The following PNLIPRP3 variants were observed in gnomAD, a reference collection of about 807,000 sequenced individuals.
PNLIPRP3 encodes pancreatic lipase related protein 3.
In PNLIPRP3, 58 loss-of-function variants were observed where a neutral mutation model predicts 52.8. That is an observed-to-expected ratio of 1.10 (90% confidence interval 0.89 to 1.37). The LOEUF is 1.37. Among genes scored for constraint, PNLIPRP3 ranks in the 40% most tolerant of loss-of-function variants. The pLI is 0.00. For missense variants in PNLIPRP3, 593 were observed against 561.6 expected (o/e 1.06, Z -0.57); for synonymous variants, 192 against 185.0 (o/e 1.04, Z -0.31).
In PNLIPRP3 at chr10:116,477,321, T is replaced by C; in HGVS notation, c.*168T>C. 2.1e-6 allele frequency: 1 copy of C among 484,902 alleles called. No homozygotes were observed. Among genetic ancestry groups the C allele is most frequent in the East Asian group, 3.6e-5 (1 of 28,086 alleles). 30.0% of individuals were successfully genotyped at this position (484,902 alleles called of 1,614,324 possible). A position where few individuals can be genotyped will look rare whatever the true frequency, so the allele number is the denominator to read the frequency against. On this transcript the variant is annotated 3_prime_UTR_variant, in exon 12 of 12. Transcript: ENST00000369230. ...GCTTTTTTTCTGTGTAGAATGTTCA[T>C]CTAACTGCACCTTAAAAACACACTG... is the stretch of plus-strand genomic sequence containing the variant.
intron 1 of PNLIPRP3, among the ~76,000 whole-genome samples, chr10:116,429,050 A>C (rs1234021980): frequency 6.6e-6 from 1 of 152,138 alleles, no homozygotes; most frequent in Admixed American, 6.6e-5. Flanking sequence ...GTGCCAATTA[A>C]ATAAGATGCA....
chr10:116,464,978 T>C (rs1202417553), intron 7 of PNLIPRP3, among the ~76,000 whole-genome samples: 1 of 152,196 alleles, frequency 6.6e-6, no homozygotes, highest in South Asian at 2.1e-4. Flanking sequence ...TTGGTGGGTC[T>C]CAGGTTCTTG....
chr10:116,440,398 C>T (rs1156821926), intron 2 of PNLIPRP3, among the ~76,000 whole-genome samples: 2 of 152,146 alleles, frequency 1.3e-5, no homozygotes, highest in Admixed American at 1.3e-4. Context: ...CCACTTCCCT[C>T]CATTTGGAAA....
chr10:116,458,555 A>C (rs554153889), intron 5 of PNLIPRP3, among the ~76,000 whole-genome samples: 1 of 152,144 alleles, frequency 6.6e-6, no homozygotes, highest in Non-Finnish European at 1.5e-5. Context: ...TTTATTAGAA[A>C]GTTGTGTGTA....
chr10:116,474,638 AG>A (rs1846430534), intron 10 of PNLIPRP3, among the ~76,000 whole-genome samples: 1 of 152,222 alleles, frequency 6.6e-6, no homozygotes, highest in African/African-American at 2.4e-5. Flanking sequence ...AAGCGGGCAA[AG>A]GACATCAACA....
chr10:116,477,946 A>G lies in PNLIPRP3; in HGVS notation c.*793A>G, dbSNP rs1846502716. ...CCTTTGTTCTTGCAATAACAATATT[A>G]TAATATTTAAATGTGTCCATTGTGT... is the stretch of plus-strand genomic sequence containing the variant. On this transcript the variant is annotated 3_prime_UTR_variant, in exon 12 of 12. Coordinates refer to ENST00000369230, the MANE Select transcript of PNLIPRP3 (RefSeq NM_001011709.3). 6.6e-6 allele frequency: 1 copy of G among 152,206 alleles called. No homozygotes were observed. The highest frequency in any genetic ancestry group is 1.5e-5 in the Non-Finnish European group (1 of 68,038). The allele number at this position is 152,206 out of a possible 1,614,324, so 9.4% of individuals were successfully genotyped here. A position where few individuals can be genotyped will look rare whatever the true frequency, so the allele number is the denominator to read the frequency against.
At chr10:116,455,069 C>T (rs185313862) in intron 4 of PNLIPRP3, among the ~76,000 whole-genome samples, 4 of 152,304 alleles carry the variant, frequency 2.6e-5, no homozygotes, top group Admixed American at 2.6e-4. Context: ...AAGAGACATT[C>T]TAACAGATGT....
At chr10:116,429,085 T>C (rs1425193583) in intron 1 of PNLIPRP3, among the ~76,000 whole-genome samples, 4 of 152,074 alleles carry the variant, frequency 2.6e-5, no homozygotes, top group African/African-American at 9.7e-5. Flanking sequence ...AATCCAAAAA[T>C]CTAAAATCTA....
intron 4 of PNLIPRP3, among the ~76,000 whole-genome samples, chr10:116,447,672 A>AT (rs1845972322): frequency 6.6e-6 from 1 of 152,240 alleles, no homozygotes; most frequent in Non-Finnish European, 1.5e-5. Context: ...GTGGTGGCCC[A>AT]TGCCTGCAAT....
At chr10:116,431,142 C>T (rs1349640741) in intron 1 of PNLIPRP3, among the ~76,000 whole-genome samples, 2 of 152,176 alleles carry the variant, frequency 1.3e-5, no homozygotes, top group African/African-American at 4.8e-5. Flanking sequence ...CCATGCAGAA[C>T]CTGACCACTT....
intron 1 of PNLIPRP3, among the ~76,000 whole-genome samples, chr10:116,430,998 T>A (rs1277725095): frequency 1.3e-5 from 2 of 152,226 alleles, no homozygotes; most frequent in East Asian, 3.8e-4. Context: ...CCAAATCTGT[T>A]CGTCTCAAAG....
chr10:116,461,215 G>A lies in PNLIPRP3; in HGVS notation c.733G>A (p.Gly245Arg), dbSNP rs377433450. The A allele has an allele frequency of 1.2e-6, 2 of 1,614,060 alleles. No homozygotes were observed. Among genetic ancestry groups the A allele is most frequent in the Non-Finnish European group, 1.7e-6 (2 of 1,179,942 alleles). Residue 245 changes from glycine to arginine, a missense_variant, in exon 7 of 12, where the codon GGA (glycine) becomes AGA (arginine). Physicochemically the swap from Gly to Arg is moderately radical, Grantham distance 125. Transcript: ENST00000369230. ...TGGTCATCTTGACTTTTACCCAAAT[G>A]GAGGGAAGCACATGCCAGGATGTGA... ...ACGHLDFYPN[G>R]GKHMPGCEDL...
intron 5 of PNLIPRP3, among the ~76,000 whole-genome samples, chr10:116,456,558 A>T (rs796074320): frequency 1.3e-5 from 2 of 152,182 alleles, no homozygotes; most frequent in South Asian, 4.2e-4. Context: ...ACTGCAGCTT[A>T]CTCAGTTGTT....
intron 2 of PNLIPRP3, among the ~76,000 whole-genome samples, chr10:116,440,477 T>C (rs1400034799): frequency 6.6e-6 from 1 of 152,212 alleles, no homozygotes; most frequent in African/African-American, 2.4e-5. Flanking sequence ...TGTTTGCTGT[T>C]AAAGTGTTTT....
intron 9 of PNLIPRP3, 85 bp downstream of exon 9, chr10:116,469,402 A>G (rs1846331525): frequency 7.5e-6 from 10 of 1,335,404 alleles, no homozygotes; most frequent in Non-Finnish European, 1.0e-5. Context: ...TGTCTACTAA[A>G]TAACTGGGCA....
intron 7 of PNLIPRP3, 42 bp from the exon 8 acceptor site, chr10:116,466,008 A>G (rs1365988203): frequency 7.3e-7 from 1 of 1,363,542 alleles, no homozygotes; most frequent in Non-Finnish European, 1.0e-6. Context: ...GCTACCAGTT[A>G]TCAGTTAATT....
rs539287160 is a variant in PNLIPRP3, at chr10:116,470,206, G to A, written c.1060+889G>A. On this transcript the variant is annotated intron_variant, in intron 9 of 11. Transcript: ENST00000369230. ...TTGGAGCTGCCTTTAGGGTTTGAGA[G>A]TGTGTGTGCACCATGAGGCAGGTAG... Among the ~76,000 whole-genome samples, 5 of 152,218 alleles carry A rather than the reference G, an allele frequency of 3.3e-5. No homozygotes were observed. In the South Asian group the frequency reaches 1.0e-3, roughly 32 times the overall value.
intron 2 of PNLIPRP3, among the ~76,000 whole-genome samples, chr10:116,438,135 A>C (rs1304247680): frequency 6.6e-6 from 1 of 152,174 alleles, no homozygotes; most frequent in Non-Finnish European, 1.5e-5. Flanking sequence ...GTGGGGCTTG[A>C]GCAGGCTGTT....
intron 1 of PNLIPRP3, among the ~76,000 whole-genome samples, chr10:116,433,114 CAAAAAAAAAAAAAAAAA>C (rs71010080): frequency 1.2e-4 from 1 of 8,492 alleles, no homozygotes; most frequent in Non-Finnish European, 1.9e-4. Context: ...AACTCCATCT[CAAAAAAAAAAAAAAAAA>C]AAAAAAAAAA....
Sources: gnomAD v4.1 joint callset for allele counts (sites outside exome capture counted in the v4.1 genomes callset) on GRCh38, gnomAD v4.1.1 for gene constraint, MANE v1.5 for transcripts, NCBI Gene and HGNC (gene_info 2026-07-23, HGNC 2026-07-21) for gene names.